Variants in CASR observed in about 807,000 individuals in gnomAD.
CASR encodes the protein extracellular calcium-sensing receptor.
In CASR, 23 loss-of-function variants were observed where a neutral mutation model predicts 69.1. The ratio of observed to expected loss-of-function variants is 0.33; its 90% CI spans 0.24 to 0.47. The LOEUF is 0.47. CASR is among the 20% of genes least tolerant of loss of function. The pLI is 1.00. For synonymous variants in CASR, 541 were observed against 544.7 expected (o/e 0.99, Z 0.10); for missense variants, 924 against 1,356.1 (o/e 0.68, Z 5.00).
intron 4 of CASR, among the ~76,000 whole-genome samples, chr3:122,269,167 G>A (rs1395251365): frequency 6.6e-6 from 1 of 152,168 alleles, no homozygotes; most frequent in African/African-American, 2.4e-5. Flanking sequence ...TTGTTTGCTT[G>A]TTTTTGTTTA....
At chr3:122,251,339 C>T (rs973040876) in intron 1 of CASR, among the ~76,000 whole-genome samples, 1 of 152,178 alleles carries the variant, frequency 6.6e-6, no homozygotes, top group South Asian at 2.1e-4. Context: ...GTGGACCTCC[C>T]CTCACCTAAG....
At chr3:122,208,113 CTTTTTA>C (rs71754737) in intron 1 of CASR, among the ~76,000 whole-genome samples, 4,461 of 152,104 alleles carry the variant, frequency 0.029, 107 homozygotes, top group Non-Finnish European at 0.045. Context: ...TTTTGAGAAA[CTTTTTA>C]TTTTAAGTAG....
chr3:122,262,098 A>G lies in CASR; in HGVS notation c.1063A>G (p.Thr355Ala), dbSNP rs1576859014. The part of the protein sequence containing the change: ...NGFAKEFWEE[T>A]FNCHLQEGAK... The stretch of plus-strand genomic sequence containing the variant: ...TTTTGCCAAGGAGTTTTGGGAAGAA[A>G]CATTTAACTGCCACCTCCAAGAAGG... Residue 355 changes from threonine to alanine, a missense_variant, in exon 4 of 7, where the codon ACA becomes GCA. This residue lies in a region of CASR where 310 missense variants were observed against 395.7 expected (regional missense o/e 0.78). Coordinates refer to ENST00000639785, the MANE Select transcript of CASR (RefSeq NM_000388.4). 1 of 1,614,178 alleles carries G rather than the reference A, an allele frequency of 6.2e-7. No homozygotes were observed. The highest frequency in any genetic ancestry group is 8.5e-7 in the Non-Finnish European group (1 of 1,180,018).
chr3:122,284,484 G>A lies in CASR; in HGVS notation c.2530G>A (p.Ala844Thr), dbSNP rs1394440820. 6.2e-7 allele frequency: 1 copy of A among 1,613,340 alleles called. No homozygotes were observed. The highest frequency in any genetic ancestry group is 1.3e-5 in the African/African-American group (1 of 74,954). ...CGTAGAGGTGATTGCCATCCTGGCA[G>A]CCAGCTTTGGCTTGCTGGCGTGCAT... ...SAVEVIAILA[A>T]SFGLLACIFF... The change falls in exon 7 of 7, where the codon GCC (alanine) becomes ACC (threonine). Residue 844 changes from alanine to threonine, a missense_variant. By Grantham distance (58) the Ala-to-Thr change is moderately conservative. This residue lies in a region of CASR where 42 missense variants were observed against 73.2 expected (regional missense o/e 0.57). Coordinates refer to ENST00000639785, the MANE Select transcript of CASR (RefSeq NM_000388.4).
intron 1 of CASR, among the ~76,000 whole-genome samples, chr3:122,209,368 C>T (rs556535255): frequency 7.0e-4 from 106 of 152,224 alleles, no homozygotes; most frequent in African/African-American, 2.3e-3. Context: ...TGTGTTAGTC[C>T]GTTTTCACAC....
intron 1 of CASR, among the ~76,000 whole-genome samples, chr3:122,237,994 A>G (rs2074345140): frequency 6.6e-6 from 1 of 152,234 alleles, no homozygotes; most frequent in Non-Finnish European, 1.5e-5. Flanking sequence ...AGGGTGGAGC[A>G]AGATATCTGA....
At chr3:122,196,630 C>T (rs2107583942) in intron 1 of CASR, among the ~76,000 whole-genome samples, 1 of 152,110 alleles carries the variant, frequency 6.6e-6, no homozygotes, top group South Asian at 2.1e-4. Context: ...CTTGACCTCC[C>T]CAGGCTCAAG....
At chr3:122,220,599 C>T (rs185472817) in intron 1 of CASR, among the ~76,000 whole-genome samples, 3 of 152,290 alleles carry the variant, frequency 2.0e-5, no homozygotes, top group East Asian at 1.9e-4. Flanking sequence ...AGAAAAGTAA[C>T]GATATTATTT....
rs764694608 is a variant in CASR, at chr3:122,284,984, C to G, written c.3030C>G (p.His1010Gln). 6.2e-7 allele frequency: 1 copy of G among 1,614,208 alleles called. No homozygotes were observed. Among genetic ancestry groups the G allele is most frequent in the African/African-American group, 1.3e-5 (1 of 75,056 alleles). ...AQKSSDTLTR[H>Q]EPLLPLQCGE... is the part of the protein sequence containing the mutation. The stretch of plus-strand genomic sequence containing the variant: ...AAAGCAGCGATACGCTGACCCGACA[C>G]GAGCCATTACTCCCGCTGCAGTGCG... The change falls in exon 7 of 7, where the codon CAC (histidine) becomes CAG (glutamine). Residue 1010 changes from histidine to glutamine, a missense_variant. By Grantham distance (24) the His-to-Gln change is conservative. Transcript: ENST00000639785.
At chr3:122,236,717 C>T (rs2074332368) in intron 1 of CASR, among the ~76,000 whole-genome samples, 1 of 152,178 alleles carries the variant, frequency 6.6e-6, no homozygotes, top group South Asian at 2.1e-4. Context: ...ATTCTTTTAA[C>T]CTCAGGTCAG....
At chr3:122,265,794 C>T (rs1034392864) in intron 4 of CASR, among the ~76,000 whole-genome samples, 2 of 152,164 alleles carry the variant, frequency 1.3e-5, no homozygotes, top group South Asian at 2.1e-4. Context: ...TTCCTACTCT[C>T]CTGCACCTCA....
rs778535491 is a variant in CASR, at chr3:122,261,597, C to T, written c.562C>T (p.Pro188Ser). The T allele has an allele frequency of 6.2e-7, 1 of 1,614,176 alleles. No individual in the cohort carries two copies. ...NQFKSFLRTIPNDEHQATAMA... is the reference protein window; with the variant it reads ...NQFKSFLRTISNDEHQATAMA... ...ATTCAAGTCTTTCCTCCGAACCATCCCCAATGATGAGCACCAGGCCACTGC... is the reference window on the plus strand; with the variant it reads ...ATTCAAGTCTTTCCTCCGAACCATCTCCAATGATGAGCACCAGGCCACTGC... Residue 188 changes from proline (P) to serine (S), a missense_variant, in exon 4 of 7, where the codon CCC (proline) becomes TCC (serine). Physicochemically the swap from Pro to Ser is moderately conservative, Grantham distance 74. Transcript: ENST00000639785.
At chr3:122,202,770 C>T (rs914504661) in intron 1 of CASR, among the ~76,000 whole-genome samples, 1 of 152,116 alleles carries the variant, frequency 6.6e-6, no homozygotes, top group African/African-American at 2.4e-5. Flanking sequence ...ATAATTTCTT[C>T]TAAATTCTTA....
At chr3:122,218,378 C>A (rs2074137759) in intron 1 of CASR, among the ~76,000 whole-genome samples, 1 of 151,646 alleles carries the variant, frequency 6.6e-6, no homozygotes, top group African/African-American at 2.4e-5. Context: ...TACTAAAATA[C>A]AAAAAATTAG....
At chr3:122,224,022 A>G (rs1024386074) in intron 1 of CASR, among the ~76,000 whole-genome samples, 3 of 152,238 alleles carry the variant, frequency 2.0e-5, no homozygotes, top group African/African-American at 7.2e-5. Flanking sequence ...ACCAAATTAG[A>G]CATCAAAGGA....
At chr3:122,227,255 G>C (rs1349288098) in intron 1 of CASR, among the ~76,000 whole-genome samples, 2 of 152,228 alleles carry the variant, frequency 1.3e-5, no homozygotes, top group Admixed American at 1.3e-4. Context: ...GGGCTCCATG[G>C]AGCAGGGGGT....
At chr3:122,242,408 A>G (rs1024552141) in intron 1 of CASR, among the ~76,000 whole-genome samples, 27 of 152,152 alleles carry the variant, frequency 1.8e-4, no homozygotes, top group African/African-American at 6.5e-4. Flanking sequence ...TAAAAAATAA[A>G]TCAAAAAAGT....
At chr3:122,207,292 G>A (rs2074016632) in intron 1 of CASR, among the ~76,000 whole-genome samples, 1 of 151,980 alleles carries the variant, frequency 6.6e-6, no homozygotes, top group African/African-American at 2.4e-5. Context: ...GAAAACATCA[G>A]AGTTAAACTA....
intron 2 of CASR, among the ~76,000 whole-genome samples, chr3:122,256,869 C>T (rs892888570): frequency 6.6e-6 from 1 of 152,214 alleles, no homozygotes; most frequent in African/African-American, 2.4e-5. Context: ...GATCCACCCG[C>T]CTCGGCCTCC....
Sources: gnomAD v4.1 joint callset for allele counts (sites outside exome capture counted in the v4.1 genomes callset) on GRCh38, gnomAD v4.1.1 for gene constraint, gnomAD v4.1.1 regional missense constraint, MANE v1.5 for transcripts, NCBI Gene and HGNC (gene_info 2026-07-23, HGNC 2026-07-21) for gene names.